Variants in CAST observed in about 807,000 individuals in gnomAD.
CAST encodes MIR583 host.
CAST carries 76 observed loss-of-function variants against 119.6 expected under a neutral mutation model. The ratio of observed to expected loss-of-function variants is 0.64; its 90% CI spans 0.53 to 0.77. The LOEUF (loss-of-function observed/expected upper bound fraction) is 0.77. Among genes scored for constraint, CAST ranks in the 30% least tolerant of loss-of-function variants. CAST has a pLI of 0.00. For synonymous variants in CAST, 319 were observed against 331.6 expected (o/e 0.96, Z 0.41); for missense variants, 953 against 946.5 (o/e 1.01, Z -0.09).
the CAST span, among the ~76,000 whole-genome samples, chr5:96,376,392 C>T: frequency 6.6e-6 from 1 of 151,756 alleles, no homozygotes; most frequent in Non-Finnish European, 1.5e-5. Context: ...AACTATGTTA[C>T]TAGTTTATAT....
the CAST span, among the ~76,000 whole-genome samples, chr5:96,000,537 A>G: frequency 2.0e-5 from 3 of 152,178 alleles, no homozygotes; most frequent in African/African-American, 4.8e-5. Flanking sequence ...TAGAGATACA[A>G]AAGTGAAAGA....
At chr5:96,699,054 G>A (rs1306008515) in intron 3 of CAST, among the ~76,000 whole-genome samples, 3 of 152,272 alleles carry the variant, frequency 2.0e-5, no homozygotes, top group African/African-American at 4.8e-5. Context: ...CTTAAGTGAT[G>A]TAAATTTTTC....
the CAST span, among the ~76,000 whole-genome samples, chr5:96,455,879 C>T: frequency 2.0e-5 from 3 of 152,134 alleles, no homozygotes; most frequent in South Asian, 2.1e-4. Context: ...TCTTGTATAC[C>T]TTAAGGTCTC....
chr5:96,748,461 T>C (rs1203046385), intron 18 of CAST, 57 bp from the exon 19 acceptor site: 2 of 876,406 alleles, frequency 2.3e-6, no homozygotes, highest in Non-Finnish European at 3.5e-6. Context: ...TGAAAACTTT[T>C]TTTTTACAAA....
At chr5:96,440,323 G>A in the CAST span, among the ~76,000 whole-genome samples, 2 of 152,040 alleles carry the variant, frequency 1.3e-5, no homozygotes, top group East Asian at 1.9e-4. Context: ...GTGAGCATCC[G>A]TGTCTCTAGC....
At chr5:96,332,714 G>A in the CAST span, among the ~76,000 whole-genome samples, 6 of 152,060 alleles carry the variant, frequency 3.9e-5, no homozygotes, top group African/African-American at 7.2e-5. Context: ...AAAACTGTCC[G>A]GCTAACACTT....
chr5:96,145,593 A>G, the CAST span, among the ~76,000 whole-genome samples: 1 of 152,198 alleles, frequency 6.6e-6, no homozygotes, highest in African/African-American at 2.4e-5. Flanking sequence ...GCAAGGAGCC[A>G]TGTTAAGTTA....
At chr5:96,521,413 C>T (rs910022174), upstream of CAST, among the ~76,000 whole-genome samples, 1 of 152,182 alleles carries the variant, frequency 6.6e-6, no homozygotes, top group African/African-American at 2.4e-5. Context: ...CTCTTTCTCA[C>T]GTTCCCAAAG....
At chr5:96,573,163 T>G (rs1327225968) in intron 1 of CAST, among the ~76,000 whole-genome samples, 1 of 152,210 alleles carries the variant, frequency 6.6e-6, no homozygotes, top group Non-Finnish European at 1.5e-5. Flanking sequence ...GATTGTGCAC[T>G]GGGTTTGATG....
chr5:96,413,412 G>T, the CAST span, among the ~76,000 whole-genome samples: 1,477 of 152,304 alleles, frequency 9.7e-3, 31 homozygotes, highest in African/African-American at 0.034. Flanking sequence ...CACAGCCTTA[G>T]ATTTTCACAC....
At chr5:96,280,869 C>A in the CAST span, among the ~76,000 whole-genome samples, 1 of 152,112 alleles carries the variant, frequency 6.6e-6, no homozygotes, top group Non-Finnish European at 1.5e-5. Context: ...TCCATTCCAC[C>A]CTTCAAAATC....
Position 96,757,461 on chromosome 5 carries a change from A to G in CAST, c.1728A>G (p.Pro576=), listed in dbSNP as rs1019519917. ...CCGGATAGGATAAAGATGGAAAGCC[A>G]CTCCTGCCAAAAGAGTCTAAGGAAC... ...LEEVKDKDGK[P]LLPKESKEQL... is the part of the protein sequence containing the mutation. Residue 576 remains proline (P), a synonymous_variant, in exon 23 of 32, where the codon CCA becomes CCG. Transcript: ENST00000675179. 3 of 1,614,032 alleles carry G rather than the reference A, an allele frequency of 1.9e-6. No homozygotes were observed. Among genetic ancestry groups the G allele is most frequent in the Admixed American group, 1.7e-5 (1 of 60,010 alleles).
the CAST span, among the ~76,000 whole-genome samples, chr5:96,076,367 C>G: frequency 6.6e-6 from 1 of 152,112 alleles, no homozygotes. Flanking sequence ...CTCTTCTTTC[C>G]TCTAGGCAAC....
At chr5:96,400,033 C>G in the CAST span, 1 of 1,614,162 alleles carries the variant, frequency 6.2e-7, no homozygotes, top group Admixed American at 1.7e-5. Context: ...CAGCTAAATC[C>G]ACCAGAGCTT....
At chr5:96,411,981 G>A in the CAST span, among the ~76,000 whole-genome samples, 1 of 152,122 alleles carries the variant, frequency 6.6e-6, no homozygotes, top group African/African-American at 2.4e-5. Context: ...CAGTTTCACT[G>A]TCTAAACTAG....
chr5:96,265,647 C>A, the CAST span, among the ~76,000 whole-genome samples: 1,405 of 152,266 alleles, frequency 9.2e-3, 26 homozygotes, highest in African/African-American at 0.033. Flanking sequence ...ATGCTAATCA[C>A]TTCTAGAAAC....
the CAST span, among the ~76,000 whole-genome samples, chr5:95,991,497 GTTTTTTTTTTTTTT>G: frequency 1.5e-5 from 1 of 64,958 alleles, no homozygotes; most frequent in South Asian, 7.1e-4. Context: ...AACAAGTTTT[GTTTTTTTTTTTTTT>G]TTTTTTTTTT....
chr5:96,430,374 TG>T, the CAST span, among the ~76,000 whole-genome samples: 1 of 152,222 alleles, frequency 6.6e-6, no homozygotes, highest in Non-Finnish European at 1.5e-5. Context: ...TTCTTTAAAT[TG>T]GTGATTCTCA....
chr5:96,147,519 C>T, the CAST span, among the ~76,000 whole-genome samples: 1 of 152,022 alleles, frequency 6.6e-6, no homozygotes, highest in Non-Finnish European at 1.5e-5. Context: ...AGGAGAATGG[C>T]GTGAACCTGG....
Sources: gnomAD v4.1 joint callset for allele counts (sites outside exome capture counted in the v4.1 genomes callset) on GRCh38, gnomAD v4.1.1 for gene constraint, MANE v1.5 for transcripts, NCBI Gene and HGNC (gene_info 2026-07-23, HGNC 2026-07-21) for gene names.